Variants in SEC14L5 observed in about 807,000 individuals in gnomAD.
The protein encoded by SEC14L5 is SEC14-like protein 5.
SEC14L5 carries 96 observed loss-of-function variants against 84.6 expected under a neutral mutation model. The ratio of observed to expected loss-of-function variants is 1.13; its 90% CI spans 0.96 to 1.34. The LOEUF (loss-of-function observed/expected upper bound fraction) is 1.34. SEC14L5 is among the 40% of genes most tolerant of loss of function. The pLI is 0.00. For missense variants in SEC14L5, 1,224 were observed against 942.5 expected, an observed-to-expected ratio of 1.30 and a Z score of -3.91; for synonymous variants, 546 against 383.4, an observed-to-expected ratio of 1.42 and a Z score of -4.95.
At chr16:5,003,698 C>G in intron 11 of SEC14L5, 125 bp downstream of exon 11, 1 of 652,308 alleles carries the variant, frequency 1.5e-6, no homozygotes, top group Non-Finnish European at 2.6e-6. Context: ...GGAGATGAAA[C>G]TCACATAGCA....
intron 12 of SEC14L5, among the ~76,000 whole-genome samples, chr16:5,006,709 G>A (rs941653754): frequency 6.6e-6 from 1 of 152,216 alleles, no homozygotes; most frequent in East Asian, 1.9e-4. Flanking sequence ...AGGCTTGCCT[G>A]TTCTCTCCGT....
intron 15 of SEC14L5, among the ~76,000 whole-genome samples, chr16:5,012,208 C>T (rs1440841963): frequency 6.6e-6 from 1 of 152,078 alleles, no homozygotes; most frequent in African/African-American, 2.4e-5. Flanking sequence ...ATGTTTTGGC[C>T]ATCGGTCCTC....
intron 2 of SEC14L5, among the ~76,000 whole-genome samples, chr16:4,974,246 C>G (rs1042708638): frequency 1.3e-5 from 2 of 152,118 alleles, no homozygotes; most frequent in Non-Finnish European, 2.9e-5. Context: ...GAGACAGGGT[C>G]TCTCTGTTAC....
chr16:4,976,308 A>C (rs1302638089), intron 2 of SEC14L5, among the ~76,000 whole-genome samples: 1 of 152,194 alleles, frequency 6.6e-6, no homozygotes, highest in Non-Finnish European at 1.5e-5. Context: ...ATCCCAACCC[A>C]GGCCCCAGAG....
At position 5,005,990 on chromosome 16, in the gene SEC14L5, G is replaced by C. The variant is rs776857803; in HGVS notation, c.1379G>C (p.Gly460Ala). ...GGCAGCAACTACCAGGGACCCGGAGGCCTTGTGGACTATCTGGATAGAGAA... is the reference window on the plus strand; with the variant it reads ...GGCAGCAACTACCAGGGACCCGGAGCCCTTGTGGACTATCTGGATAGAGAA... ...YSGSNYQGPGGLVDYLDREVI... is the reference protein window; with the variant it reads ...YSGSNYQGPGALVDYLDREVI... Residue 460 changes from glycine (G) to alanine (A), a missense_variant, in exon 12 of 16, where the codon GGC (glycine) becomes GCC (alanine). Gly to Ala is a moderately conservative substitution (Grantham distance 60). Transcript: ENST00000251170. The C allele has an allele frequency of 1.2e-6, 2 of 1,613,786 alleles. No homozygotes were observed. The highest frequency in any genetic ancestry group is 1.7e-6 in the Non-Finnish European group (2 of 1,179,782).
At chr16:4,963,501 A>G (rs879290678) in intron 2 of SEC14L5, among the ~76,000 whole-genome samples, 8 of 152,194 alleles carry the variant, frequency 5.3e-5, no homozygotes, top group Non-Finnish European at 1.0e-4. Flanking sequence ...ATGTGCTACC[A>G]CACTTGACTA....
At position 4,988,229 on chromosome 16, in the gene SEC14L5, C is replaced by A. The variant is rs1955516242; in HGVS notation, c.294C>A (p.His98Gln). ...AGAGGACGCTCCTCATCGAAGCGCA[C>A]AATGAGACCTTCGCCAACCGCGTGG... ...WKERTLLIEA[H>Q]NETFANRVVV... is the part of the protein sequence containing the mutation. Residue 98 changes from histidine to glutamine, a missense_variant, in exon 4 of 16, where the codon CAC becomes CAA. Coordinates refer to ENST00000251170, the MANE Select transcript of SEC14L5 (RefSeq NM_014692.2). 1 of 1,613,696 alleles carries A rather than the reference C, an allele frequency of 6.2e-7. No individual in the cohort carries two copies. The highest frequency in any genetic ancestry group is 1.3e-5 in the African/African-American group (1 of 74,904).
At chr16:4,959,441 C>A in intron 2 of SEC14L5, 55 bp downstream of exon 2, 1 of 1,439,878 alleles carries the variant, frequency 6.9e-7, no homozygotes, top group Non-Finnish European at 9.8e-7. Flanking sequence ...GGCTTGAGAT[C>A]AGCTATGGCG....
At chr16:5,007,234 A>C (rs1016856742) in intron 12 of SEC14L5, 118 bp from the exon 13 acceptor site, 3 of 816,840 alleles carry the variant, frequency 3.7e-6, no homozygotes, top group Non-Finnish European at 5.8e-6. Context: ...CCCACAGCCC[A>C]TTCAGTAAGG....
At chr16:5,000,487 G>A (rs746606513) in intron 8 of SEC14L5, among the ~76,000 whole-genome samples, 168 bp from the exon 9 acceptor site, 3 of 152,208 alleles carry the variant, frequency 2.0e-5, no homozygotes, top group Non-Finnish European at 2.9e-5. Flanking sequence ...AATAAGGGGC[G>A]TCAGCCCCTC....
intron 2 of SEC14L5, 77 bp from the exon 3 acceptor site, chr16:4,987,480 A>T: frequency 8.0e-7 from 1 of 1,252,052 alleles, no homozygotes; most frequent in Non-Finnish European, 1.1e-6. Context: ...GTGACACAGC[A>T]GATAAGGAGG....
At chr16:4,996,311 C>A (rs1955607580) in intron 6 of SEC14L5, 37 bp from the exon 7 acceptor site, 2 of 1,214,664 alleles carry the variant, frequency 1.6e-6, no homozygotes, top group South Asian at 1.3e-5. Context: ...GACGCAGCGT[C>A]TCCCTCTTGT....
chr16:4,999,358 T>C lies in SEC14L5; in HGVS notation c.971-1297T>C, dbSNP rs1476616009. On this transcript the variant is annotated intron_variant, in intron 8 of 15. Transcript: ENST00000251170. ...AGTGGCTCACACCTGTAATCAGAGCTCTCTGGGAAGCCAAAGCTGGAGGAT... is the reference window on the plus strand; with the variant it reads ...AGTGGCTCACACCTGTAATCAGAGCCCTCTGGGAAGCCAAAGCTGGAGGAT... Among the ~76,000 whole-genome samples the C allele has an allele frequency of 2.0e-5, 3 of 152,220 alleles. No homozygotes were observed. In the East Asian group the frequency reaches 5.8e-4, roughly 29 times the overall value.
At chr16:5,014,022 A>G (rs1206237655) in intron 15 of SEC14L5, among the ~76,000 whole-genome samples, 1 of 152,224 alleles carries the variant, frequency 6.6e-6, no homozygotes, top group African/African-American at 2.4e-5. Flanking sequence ...AGCTCCGGGC[A>G]CTGCTGGTGC....
At chr16:5,005,440 C>G (rs980835282) in intron 11 of SEC14L5, among the ~76,000 whole-genome samples, 1 of 151,768 alleles carries the variant, frequency 6.6e-6, no homozygotes, top group Non-Finnish European at 1.5e-5. Context: ...ATGGGGTTTC[C>G]TTCTGGGGTG....
At position 5,008,480 on chromosome 16, in the gene SEC14L5, A is replaced by C; in HGVS notation, c.1632A>C (p.Arg544=). Residue 544 remains arginine (R), a synonymous_variant, in exon 14 of 16, where the codon CGA becomes CGC. Coordinates refer to ENST00000251170, the MANE Select transcript of SEC14L5 (RefSeq NM_014692.2). ...SVITWDFDIL[R]GDVVFSLYHT... ...TCACCTGGGACTTTGACATCCTGCG[A>C]GGGGACGTGGTGTTCAGCCTGTACC... is the stretch of plus-strand genomic sequence containing the variant. The C allele has an allele frequency of 6.2e-7, 1 of 1,613,564 alleles. No individual in the cohort carries two copies. The highest frequency in any genetic ancestry group is 8.5e-7 in the Non-Finnish European group (1 of 1,179,780).
intron 2 of SEC14L5, among the ~76,000 whole-genome samples, chr16:4,971,558 A>G (rs1384381165): frequency 6.6e-6 from 1 of 152,222 alleles, no homozygotes; most frequent in East Asian, 1.9e-4. Context: ...ATCCCTGTGG[A>G]TAAACCCTGT....
At position 4,996,863 on chromosome 16, in the gene SEC14L5, A is replaced by G; in HGVS notation, c.789A>G (p.Lys263=). ...LQETHKGKIP[K]DEHILRFLRA... The stretch of plus-strand genomic sequence containing the variant: ...ACTTCTTTGTCTCTCAGATTCCCAA[A>G]GATGAGCACATCCTTCGGTTCCTGC... Residue 263 remains lysine (K), a synonymous_variant, in exon 8 of 16, where the codon AAA becomes AAG. Coordinates refer to ENST00000251170, the MANE Select transcript of SEC14L5 (RefSeq NM_014692.2). 1 of 1,610,212 alleles carries G rather than the reference A, an allele frequency of 6.2e-7. No individual in the cohort carries two copies. Among genetic ancestry groups the G allele is most frequent in the East Asian group, 2.2e-5 (1 of 44,812 alleles).
intron 2 of SEC14L5, among the ~76,000 whole-genome samples, chr16:4,978,204 C>G (rs75863976): frequency 1 from 12,814 of 12,814 alleles, 6,407 homozygotes; most frequent in Non-Finnish European, 1. Flanking sequence ...CACGAGGCCC[C>G]GAGATCAAAA....
Sources: allele counts gnomAD v4.1 joint callset (sites outside exome capture counted in the v4.1 genomes callset), GRCh38; gene constraint gnomAD v4.1.1; transcripts MANE v1.5; gene names NCBI Gene and HGNC (gene_info 2026-07-23, HGNC 2026-07-21).